The following SLC26A3 variants were observed in gnomAD, a reference collection of about 807,000 sequenced individuals.
The protein encoded by SLC26A3 is chloride anion exchanger.
Under a neutral mutation model 85.6 loss-of-function variants are expected in SLC26A3, and 64 were observed. That is an observed-to-expected ratio of 0.75 (90% CI 0.61 to 0.92). The LOEUF (loss-of-function observed/expected upper bound fraction) is 0.92. SLC26A3 is among the 40% of genes least tolerant of loss of function. The pLI, the probability that SLC26A3 is intolerant of heterozygous loss-of-function variation, is 0.00. For synonymous variants in SLC26A3, 349 were observed against 336.0 expected (o/e 1.04, Z -0.42); for missense variants, 922 against 927.3 (o/e 0.99, Z 0.07).
Position 107,774,784 on chromosome 7 carries a change from ACTTGTAGCAAGCCTTGCTT to A in SLC26A3, c.1747_1765del (p.Lys583Ter). On this transcript the variant is annotated frameshift_variant, in exon 16 of 21. Transcript: ENST00000340010. LOFTEE classifies it high-confidence loss of function. ...TGTGGTCAAGGAACTTACTGGTGTCACTTGTAGCAAGCCTTGCTTCTGCAGTTTTCGGATTTTCCTCAAA... is the reference window on the plus strand; with the variant it reads ...TGTGGTCAAGGAACTTACTGGTGTCACTGCAGTTTTCGGATTTTCCTCAAA... 1 of 1,612,702 alleles carries A rather than the reference ACTTGTAGCAAGCCTTGCTT, an allele frequency of 6.2e-7. No individual in the cohort carries two copies. Among genetic ancestry groups the A allele is most frequent in the Non-Finnish European group, 8.5e-7 (1 of 1,178,704 alleles).
chr7:107,789,393 C>CT lies in SLC26A3; in HGVS notation c.735+130dup, dbSNP rs994278453. On this transcript the variant is annotated intron_variant, in intron 6 of 20. Transcript: ENST00000340010. ...CCTCGGCCTCCCAAAGTGCTGCTTT[C>CT]TTTTTTAATATGAAAAAATTTTACA... is the stretch of plus-strand genomic sequence containing the variant. 1.9e-5 allele frequency: 18 copies of CT among 929,124 alleles called. 1 individual carries two copies. In the African/African-American group the frequency reaches 2.3e-4, roughly 12 times the overall value. The allele number at this position is 929,124 out of a possible 1,614,324, so 57.6% of individuals were successfully genotyped here. A position where few individuals can be genotyped will look rare whatever the true frequency, so the allele number is the denominator to read the frequency against.
Position 107,791,429 on chromosome 7 carries a change from T to C in SLC26A3, c.383-194A>G, listed in dbSNP as rs573108433. On this transcript the variant is annotated intron_variant, in intron 4 of 20. Transcript: ENST00000340010. ...GAGTTTGAGACCAGCCTGACCAACA[T>C]GGAGAAGCCTCGTCTCTACCAACAA... 3.3e-5 allele frequency among the ~76,000 whole-genome samples: 5 copies of C among 152,156 alleles called. No homozygotes were observed. The East Asian group carries it at 9.7e-4, about 29-fold the overall frequency.
chr7:107,779,864 CA>C lies in SLC26A3; in HGVS notation c.1312-102del. On this transcript the variant is annotated intron_variant, in intron 11 of 20. Transcript: ENST00000340010. Reference sequence around the variant, plus strand: ...GATAAGTGTGTGCTTTAAAGGGCCTCAAAGCAAATCAAAGCATTACACCCTT... The same window carrying C: ...GATAAGTGTGTGCTTTAAAGGGCCTCAAGCAAATCAAAGCATTACACCCTT... 7 of 882,554 alleles carry C rather than the reference CA, an allele frequency of 7.9e-6. No homozygotes were observed. The South Asian group carries it at 9.7e-5, about 12-fold the overall frequency. The allele number at this position is 882,554 out of a possible 1,614,324, so 54.7% of individuals were successfully genotyped here.
intron 1 of SLC26A3, among the ~76,000 whole-genome samples, 198 bp from the exon 2 acceptor site, chr7:107,794,795 G>A (rs565109687): frequency 5.9e-5 from 9 of 152,142 alleles, no homozygotes; most frequent in Admixed American, 3.3e-4. Context: ...GTAAACAAGA[G>A]CTTTATTTTT....
chr7:107,800,093 G>A (rs576596072), intron 1 of SLC26A3, among the ~76,000 whole-genome samples: 1 of 152,312 alleles, frequency 6.6e-6, no homozygotes, highest in African/African-American at 2.4e-5. Flanking sequence ...CACAATTGCA[G>A]CAGGTTCCTA....
chr7:107,790,965 G>T, intron 5 of SLC26A3, 83 bp downstream of exon 5: 1 of 1,404,492 alleles, frequency 7.1e-7, no homozygotes, highest in Non-Finnish European at 9.9e-7. Flanking sequence ...GGGAGGAGTG[G>T]CAGGGGGGAG....
Position 107,770,005 on chromosome 7 carries a change from TCTTTCTTTCTTTCTTTC to T in SLC26A3, c.2062+2032_2062+2048del, listed in dbSNP as rs1793980903. On this transcript the variant is annotated intron_variant, in intron 18 of 20. Coordinates refer to ENST00000340010, the MANE Select transcript of SLC26A3 (RefSeq NM_000111.3). ...CCTTCCTTCCTTCCTTTTTTCTCTT[TCTTTCTTTCTTTCTTTC>T]TTTCTTTCTTTCTTTCTTTCTTTCT... 9.4e-5 allele frequency among the ~76,000 whole-genome samples: 3 copies of T among 31,790 alleles called. No individual in the cohort carries two copies. The African/African-American group carries it at 9.8e-4, about 10-fold the overall frequency. The allele number at this position is 31,790 out of a possible 152,430, so 20.9% of individuals were successfully genotyped here.
Position 107,776,640 on chromosome 7 carries a change from A to G in SLC26A3, c.1581T>C (p.Tyr527=), listed in dbSNP as rs781576917. 6 of 1,613,264 alleles carry G rather than the reference A, an allele frequency of 3.7e-6. No homozygotes were observed. The Admixed American group carries it at 8.3e-5, about 22-fold the overall frequency. ...TNIYKNKKDY[Y]DMYEPEGVKI... Reference sequence around the variant, plus strand: ...GAAAAACATGAATCTCCCTTACATCATAATAATCTTTTTTATTCTTATAGA... The same window carrying G: ...GAAAAACATGAATCTCCCTTACATCGTAATAATCTTTTTTATTCTTATAGA... Residue 527 remains tyrosine, a synonymous_variant, in exon 14 of 21, where the codon TAT becomes TAC. Coordinates refer to ENST00000340010, the MANE Select transcript of SLC26A3 (RefSeq NM_000111.3).
chr7:107,776,764 C>A (rs1342273502), intron 13 of SLC26A3, 58 bp from the exon 14 acceptor site: 1 of 1,485,886 alleles, frequency 6.7e-7, no homozygotes, highest in Non-Finnish European at 9.4e-7. Flanking sequence ...GCCTATAAGG[C>A]TAACACTGAC....
At chr7:107,798,650 C>T (rs575582453) in intron 1 of SLC26A3, among the ~76,000 whole-genome samples, 16 of 152,272 alleles carry the variant, frequency 1.1e-4, no homozygotes, top group Non-Finnish European at 1.5e-4. Flanking sequence ...CCCAGCCCCT[C>T]CGCAGTCACA....
At chr7:107,770,108 CTTCT>C (rs1422871993) in intron 18 of SLC26A3, among the ~76,000 whole-genome samples, 2 of 94,362 alleles carry the variant, frequency 2.1e-5, no homozygotes, top group Admixed American at 1.1e-4. Flanking sequence ...TTTCGTCTTT[CTTCT>C]TTCTTCTTTC....
chr7:107,791,203 G>A lies in SLC26A3; in HGVS notation c.415C>T (p.Leu139=). Residue 139 remains leucine (L), a synonymous_variant, in exon 5 of 21, where the codon CTA becomes TTA. Transcript: ENST00000340010. ...PFPILSMMVG[L]AVSGAVSKAV... ...TTTGAAACTGCTCCTGAAACTGCTA[G>A]TCCCACCATCATACTCAGAATCGGA... 6.2e-7 allele frequency: 1 copy of A among 1,614,196 alleles called. No homozygotes were observed. Among genetic ancestry groups the A allele is most frequent in the Non-Finnish European group, 8.5e-7 (1 of 1,180,030 alleles).
chr7:107,794,542 G>A lies in SLC26A3; in HGVS notation c.-33C>T, dbSNP rs748350542. The A allele has an allele frequency of 1.9e-6, 3 of 1,613,438 alleles. No individual in the cohort carries two copies. Among genetic ancestry groups the A allele is most frequent in the South Asian group, 2.2e-5 (2 of 91,060 alleles). ...TTTCTGTTGGCTGTGGCAAGTTGAAGACCTTTGCAACTATGTGGTGAACAC... is the reference window on the plus strand; with the variant it reads ...TTTCTGTTGGCTGTGGCAAGTTGAAAACCTTTGCAACTATGTGGTGAACAC... On this transcript the variant is annotated 5_prime_UTR_variant, in exon 2 of 21. Coordinates refer to ENST00000340010, the MANE Select transcript of SLC26A3 (RefSeq NM_000111.3).
intron 8 of SLC26A3, 107 bp downstream of exon 8, chr7:107,786,720 T>G: frequency 1.6e-5 from 15 of 924,350 alleles, no homozygotes; most frequent in Middle Eastern, 2.1e-4. Flanking sequence ...AGGATTCTGA[T>G]GAGGGTTACC....
intron 10 of SLC26A3, 35 bp from the exon 11 acceptor site, chr7:107,782,909 A>T (rs748682813): frequency 6.2e-7 from 1 of 1,613,392 alleles, no homozygotes; most frequent in East Asian, 2.2e-5. Context: ...CACCAACTCA[A>T]CTTTTCCCCT....
intron 7 of SLC26A3, 42 bp from the exon 8 acceptor site, chr7:107,786,951 A>G (rs928935089): frequency 6.6e-7 from 1 of 1,509,298 alleles, no homozygotes; most frequent in Non-Finnish European, 9.2e-7. Context: ...TGTGAGATGC[A>G]AGTAAGAGTC....
At chr7:107,780,526 T>G (rs1037863108) in intron 11 of SLC26A3, among the ~76,000 whole-genome samples, 1 of 152,206 alleles carries the variant, frequency 6.6e-6, no homozygotes, top group Non-Finnish European at 1.5e-5. Flanking sequence ...AACATGCCCC[T>G]CACCGTCCTG....
chr7:107,794,064 C>T (rs373879523), intron 2 of SLC26A3, among the ~76,000 whole-genome samples, 183 bp from the exon 3 acceptor site: 3 of 152,232 alleles, frequency 2.0e-5, no homozygotes, highest in South Asian at 4.1e-4. Flanking sequence ...TTTTAAAATG[C>T]TTGCTTTTCT....
chr7:107,767,501 A>G, intron 20 of SLC26A3, 78 bp downstream of exon 20: 1 of 1,033,662 alleles, frequency 9.7e-7, no homozygotes, highest in Non-Finnish European at 1.5e-6. Context: ...TGCCACATGC[A>G]GGAAGTGGCC....
Sources: allele counts gnomAD v4.1 joint callset (sites outside exome capture counted in the v4.1 genomes callset), GRCh38; gene constraint gnomAD v4.1.1; transcripts MANE v1.5; gene names NCBI Gene and HGNC (gene_info 2026-07-23, HGNC 2026-07-21).